The following EFR3B variants were observed in gnomAD, a reference collection of about 807,000 sequenced individuals.
EFR3B encodes protein EFR3 homolog B.
Under a neutral mutation model 104.7 loss-of-function variants are expected in EFR3B, and 64 were observed. The observed-to-expected ratio is 0.61, with a 90% CI of 0.50 to 0.75. The LOEUF (loss-of-function observed/expected upper bound fraction) is 0.75. Among genes scored for constraint, EFR3B ranks in the 30% least tolerant of loss-of-function variants. EFR3B has a pLI of 0.00. For missense variants in EFR3B, 750 were observed against 1,078.5 expected, an observed-to-expected ratio of 0.70 and a Z score of 4.27; for synonymous variants, 385 against 417.9, an observed-to-expected ratio of 0.92 and a Z score of 0.96.
intron 21 of EFR3B, among the ~76,000 whole-genome samples, chr2:25,152,221 G>A (rs751301939): frequency 5.3e-5 from 8 of 149,894 alleles, no homozygotes; most frequent in East Asian, 2.0e-4. Flanking sequence ...ACACCCTGGC[G>A]CTGCACTGCT....
intron 1 of EFR3B, among the ~76,000 whole-genome samples, chr2:25,090,604 C>A (rs1392963521): frequency 6.6e-6 from 1 of 152,208 alleles, no homozygotes; most frequent in Non-Finnish European, 1.5e-5. Context: ...TTGAGAACCA[C>A]AAACCGGATG....
intron 3 of EFR3B, among the ~76,000 whole-genome samples, chr2:25,100,076 C>T (rs1268625957): frequency 2.0e-5 from 3 of 151,774 alleles, no homozygotes; most frequent in African/African-American, 4.8e-5. Context: ...TGGTGGTGGG[C>T]GCCTGTAATC....
chr2:25,132,222 G>A (rs915485326), intron 10 of EFR3B, among the ~76,000 whole-genome samples: 1 of 152,194 alleles, frequency 6.6e-6, no homozygotes, highest in Non-Finnish European at 1.5e-5. Flanking sequence ...GCTGGGCAGG[G>A]CCTGAGCGAC....
intron 1 of EFR3B, among the ~76,000 whole-genome samples, chr2:25,059,995 G>A (rs970068782): frequency 6.6e-6 from 1 of 151,014 alleles, no homozygotes; most frequent in Non-Finnish European, 1.5e-5. Flanking sequence ...TCAGGAATTC[G>A]AGACCAGCCC....
chr2:25,095,626 G>A lies in EFR3B; in HGVS notation c.212+2496G>A, dbSNP rs1041018064. ...TGGGGTAATCGCTTGAACCCAGGAG[G>A]CAGAGGTTGCAGTGAGCTGAGATCA... On this transcript the variant is annotated intron_variant, in intron 3 of 22. Coordinates refer to ENST00000403714, the MANE Select transcript of EFR3B (RefSeq NM_014971.2). Among the ~76,000 whole-genome samples the A allele has an allele frequency of 6.6e-5, 10 of 152,232 alleles. 1 individual carries two copies. The highest frequency in any genetic ancestry group is 1.9e-4 in the East Asian group (1 of 5,174).
At chr2:25,085,167 G>A (rs1336031425) in intron 1 of EFR3B, among the ~76,000 whole-genome samples, 9 of 151,998 alleles carry the variant, frequency 5.9e-5, no homozygotes, top group South Asian at 4.1e-4. Flanking sequence ...TCTCTTTTTC[G>A]ATTCTTTGGC....
chr2:25,129,931 C>T (rs1408493085), intron 6 of EFR3B, 44 bp from the exon 7 acceptor site: 1 of 1,547,944 alleles, frequency 6.5e-7, no homozygotes, highest in Middle Eastern at 2.1e-4. Flanking sequence ...AGCCTGACCC[C>T]AGCCTGCATG....
chr2:25,100,784 G>A (rs1013452159), intron 3 of EFR3B, among the ~76,000 whole-genome samples: 2 of 152,180 alleles, frequency 1.3e-5, no homozygotes, highest in East Asian at 1.9e-4. Context: ...GAGCCACAGC[G>A]CCCGGCCTCC....
rs1429348200 is a variant in EFR3B, at chr2:25,157,065, C to G, written c.*2725C>G. 1 of 152,212 alleles carries G rather than the reference C, an allele frequency of 6.6e-6. No individual in the cohort carries two copies. The highest frequency in any genetic ancestry group is 2.4e-5 in the African/African-American group (1 of 41,440). The allele number at this position is 152,212 out of a possible 1,614,324, so 9.4% of individuals were successfully genotyped here. A position where few individuals can be genotyped will look rare whatever the true frequency, so the allele number is the denominator to read the frequency against. ...CCCCAGATGTTTCTGCCCCTCATCCCCATCCTGTGAATAGAGAGACAGAAA... is the reference window on the plus strand; with the variant it reads ...CCCCAGATGTTTCTGCCCCTCATCCGCATCCTGTGAATAGAGAGACAGAAA... On this transcript the variant is annotated 3_prime_UTR_variant, in exon 23 of 23. Coordinates refer to ENST00000403714, the MANE Select transcript of EFR3B (RefSeq NM_014971.2).
chr2:25,046,252 G>T (rs991425453), intron 1 of EFR3B, among the ~76,000 whole-genome samples: 1 of 151,912 alleles, frequency 6.6e-6, no homozygotes, highest in Non-Finnish European at 1.5e-5. Context: ...AGGCATGGTG[G>T]CGTGCACCTG....
Position 25,154,718 on chromosome 2 carries a change from T to C in EFR3B, c.*378T>C, listed in dbSNP as rs10195561. On this transcript the variant is annotated 3_prime_UTR_variant, in exon 23 of 23. Coordinates refer to ENST00000403714, the MANE Select transcript of EFR3B (RefSeq NM_014971.2). This position sits in a 1 kb window ranked among gnomAD's most constrained non-coding sequence, Gnocchi z 4.1. ...AGGACGGAGCTGGATGGAGACTTGG[T>C]TGGTGAGAGGAAGCTAAGGACTCTA... The C allele has an allele frequency of 4.3e-3, 783 of 183,512 alleles. 3 individuals are homozygous for C. The highest frequency in any genetic ancestry group is 0.018 in the African/African-American group (753 of 42,594). 11.4% of individuals were successfully genotyped at this position (183,512 alleles called of 1,614,324 possible).
At chr2:25,061,259 G>T in intron 1 of EFR3B, among the ~76,000 whole-genome samples, 1 of 151,426 alleles carries the variant, frequency 6.6e-6, no homozygotes, top group Non-Finnish European at 1.5e-5. Flanking sequence ...GAGTAGCTCC[G>T]TGTGCCACCA....
chr2:25,121,953 A>C (rs1573218089), intron 5 of EFR3B, among the ~76,000 whole-genome samples, 159 bp downstream of exon 5: 1 of 148,732 alleles, frequency 6.7e-6, no homozygotes, highest in Non-Finnish European at 1.5e-5. Context: ...AGCTCCCTAC[A>C]TGTGGTTTCT....
chr2:25,128,539 G>C (rs997713155), intron 6 of EFR3B, among the ~76,000 whole-genome samples: 5 of 152,130 alleles, frequency 3.3e-5, no homozygotes, highest in African/African-American at 1.2e-4. Context: ...CTTAACATGT[G>C]CGTTACCGAA....
At chr2:25,152,220 C>T (rs560208437) in intron 21 of EFR3B, among the ~76,000 whole-genome samples, 200 bp downstream of exon 21, 39 of 151,610 alleles carry the variant, frequency 2.6e-4, no homozygotes, top group South Asian at 4.2e-4. Context: ...AACACCCTGG[C>T]GCTGCACTGC....
At chr2:25,065,167 A>C (rs1323781755) in intron 1 of EFR3B, among the ~76,000 whole-genome samples, 1 of 152,042 alleles carries the variant, frequency 6.6e-6, no homozygotes, top group Non-Finnish European at 1.5e-5. Flanking sequence ...ATTGTTGTTA[A>C]ATAAATGATT....
At position 25,136,037 on chromosome 2, in the gene EFR3B, G is replaced by A. The variant is rs1428917773; in HGVS notation, c.1484+398G>A. ...AGGATGAAGATTTAAGAGAAAGGGG[G>A]TCAGGGCGGTGGCTCGTGCCTGTAA... On this transcript the variant is annotated intron_variant, in intron 13 of 22. Coordinates refer to ENST00000403714, the MANE Select transcript of EFR3B (RefSeq NM_014971.2). This position sits in a 1 kb window ranked among gnomAD's most constrained non-coding sequence, Gnocchi z 4.0. 6.6e-6 allele frequency among the ~76,000 whole-genome samples: 1 copy of A among 152,076 alleles called. No homozygotes were observed. Among genetic ancestry groups the A allele is most frequent in the East Asian group, 1.9e-4 (1 of 5,190 alleles).
At chr2:25,141,677 G>A (rs535798518) in intron 17 of EFR3B, among the ~76,000 whole-genome samples, 10 of 152,350 alleles carry the variant, frequency 6.6e-5, no homozygotes, top group African/African-American at 2.4e-4. Flanking sequence ...AGCCTCCGGG[G>A]GCTTTGGCCA....
chr2:25,085,530 T>G (rs1382974688), intron 1 of EFR3B, among the ~76,000 whole-genome samples: 1 of 152,130 alleles, frequency 6.6e-6, no homozygotes, highest in African/African-American at 2.4e-5. Flanking sequence ...GGTGGCACAA[T>G]CTCAGCTCAC....
Sources: allele counts gnomAD v4.1 joint callset (sites outside exome capture counted in the v4.1 genomes callset), GRCh38; gene constraint gnomAD v4.1.1; non-coding constraint Gnocchi (gnomAD v3.1); transcripts MANE v1.5; gene names NCBI Gene and HGNC (gene_info 2026-07-23, HGNC 2026-07-21).